WAC: variants seen among roughly 807,000 people sequenced by gnomAD.
WAC encodes the protein WW domain containing adaptor with coiled-coil.
WAC carries 11 observed loss-of-function variants against 79.6 expected under a neutral mutation model. The observed-to-expected ratio is 0.14, with a 90% CI of 0.09 to 0.23. The LOEUF (loss-of-function observed/expected upper bound fraction) is 0.23. Among genes scored for constraint, WAC ranks in the 10% least tolerant of loss-of-function variants. WAC has a pLI of 1.00. For missense variants in WAC, 728 were observed against 773.5 expected (o/e 0.94, Z 0.70); for synonymous variants, 304 against 276.9 (o/e 1.10, Z -0.97).
At chr10:28,601,633 A>G (rs1840654376) in intron 7 of WAC, among the ~76,000 whole-genome samples, 1 of 152,176 alleles carries the variant, frequency 6.6e-6, no homozygotes, top group South Asian at 2.1e-4. Flanking sequence ...ACAACAGACA[A>G]ACATTAGATA....
intron 3 of WAC, among the ~76,000 whole-genome samples, chr10:28,550,536 A>G (rs1426388059): frequency 3.3e-5 from 5 of 152,048 alleles, no homozygotes; most frequent in African/African-American, 1.2e-4. Context: ...AGCGATTTGT[A>G]TGTGTGTGTG....
chr10:28,603,130 C>T (rs1046155629), intron 7 of WAC, among the ~76,000 whole-genome samples: 2 of 152,152 alleles, frequency 1.3e-5, no homozygotes, highest in African/African-American at 4.8e-5. Context: ...TTTTGAAAGA[C>T]CATTTAAAGT....
chr10:28,543,379 C>A (rs1837168830), intron 3 of WAC, among the ~76,000 whole-genome samples: 1 of 152,180 alleles, frequency 6.6e-6, no homozygotes, highest in African/African-American at 2.4e-5. Flanking sequence ...ACCTTAAAAA[C>A]TATAATGACA....
intron 3 of WAC, among the ~76,000 whole-genome samples, chr10:28,558,983 A>G (rs942389391): frequency 2.0e-5 from 3 of 152,208 alleles, no homozygotes; most frequent in African/African-American, 7.2e-5. Context: ...AATATAACAA[A>G]TAGAATGTGT....
chr10:28,590,989 G>A (rs1840052412), intron 6 of WAC, 157 bp downstream of exon 6: 1 of 676,384 alleles, frequency 1.5e-6, no homozygotes, highest in East Asian at 2.9e-5. Flanking sequence ...CACCATTTTG[G>A]TCCCTGAAAA....
intron 3 of WAC, among the ~76,000 whole-genome samples, chr10:28,580,487 T>A (rs549172034): frequency 4.6e-5 from 7 of 152,212 alleles, no homozygotes; most frequent in South Asian, 2.1e-4. Context: ...TTCATAGATT[T>A]AAGCATAGAA....
chr10:28,584,877 G>A (rs1171334970), intron 4 of WAC, among the ~76,000 whole-genome samples: 3 of 152,002 alleles, frequency 2.0e-5, no homozygotes, highest in African/African-American at 7.3e-5. Flanking sequence ...GATCACTTGA[G>A]GCCAAGATGG....
intron 10 of WAC, among the ~76,000 whole-genome samples, chr10:28,614,094 A>G (rs1323859395): frequency 6.6e-6 from 1 of 152,222 alleles, no homozygotes; most frequent in Non-Finnish European, 1.5e-5. Context: ...ACTGAGCTGT[A>G]AAGGAGAACT....
chr10:28,615,890 A>G (rs1841445858), intron 11 of WAC: 1 of 284,096 alleles, frequency 3.5e-6, no homozygotes, highest in Admixed American at 4.6e-5. Context: ...TTATATTATT[A>G]GTGTTTGTGG....
chr10:28,533,793 G>A (rs1836430072), intron 1 of WAC, 173 bp downstream of exon 1: 1 of 988,022 alleles, frequency 1.0e-6, no homozygotes. Context: ...CAGTGTGGCG[G>A]GGAGCGGGGG....
chr10:28,570,990 T>A (rs1838928883), intron 3 of WAC, among the ~76,000 whole-genome samples: 1 of 138,122 alleles, frequency 7.2e-6, no homozygotes. Context: ...GGAGTCTCAC[T>A]CTGTCACCCA....
At chr10:28,553,653 G>T (rs1233728894) in intron 3 of WAC, among the ~76,000 whole-genome samples, 1 of 152,094 alleles carries the variant, frequency 6.6e-6, no homozygotes, top group Non-Finnish European at 1.5e-5. Flanking sequence ...TTTTAAGGTT[G>T]TTAAGGTATA....
intron 12 of WAC, among the ~76,000 whole-genome samples, chr10:28,616,967 C>G (rs1165412200): frequency 6.6e-6 from 1 of 152,154 alleles, no homozygotes; most frequent in Admixed American, 6.5e-5. Context: ...CCTGTAATTA[C>G]AGCTACTCGG....
chr10:28,592,142 C>G (rs1840124203), intron 6 of WAC, among the ~76,000 whole-genome samples: 1 of 152,078 alleles, frequency 6.6e-6, no homozygotes, highest in Non-Finnish European at 1.5e-5. Context: ...CTGAAGTTGG[C>G]ATATTAAAGA....
intron 3 of WAC, among the ~76,000 whole-genome samples, chr10:28,542,006 A>G (rs1274922027): frequency 1.3e-5 from 2 of 152,142 alleles, no homozygotes; most frequent in Non-Finnish European, 2.9e-5. Flanking sequence ...AGCAAATCTT[A>G]TAATAGATCC....
intron 6 of WAC, 136 bp downstream of exon 6, chr10:28,590,968 A>T: frequency 1.3e-6 from 1 of 769,200 alleles, no homozygotes; most frequent in Non-Finnish European, 2.1e-6. Context: ...TGTTGGATTT[A>T]TTATACCCTC....
chr10:28,538,602 G>GAATTCAGCCAGGCACAGCTGC (rs1836818092), intron 3 of WAC, among the ~76,000 whole-genome samples: 3 of 103,024 alleles, frequency 2.9e-5, no homozygotes, highest in Non-Finnish European at 6.3e-5. Flanking sequence ...AAAAAAAAAA[G>GAATTCAGCCAGGCACAGCTGC]AATTCAGCCA....
At position 28,595,841 on chromosome 10, in the gene WAC, A is replaced by G; in HGVS notation, c.719A>G (p.His240Arg). The G allele has an allele frequency of 6.2e-7, 1 of 1,614,182 alleles. No individual in the cohort carries two copies. Among genetic ancestry groups the G allele is most frequent in the East Asian group, 2.2e-5 (1 of 44,878 alleles). ...TACAGACTGCCAAGAGCAGAGACTCACAGTAGTTCTACGCCAGTACAGCAC... is the reference window on the plus strand; with the variant it reads ...TACAGACTGCCAAGAGCAGAGACTCGCAGTAGTTCTACGCCAGTACAGCAC... The part of the protein sequence containing the change: ...RDYRLPRAET[H>R]SSSTPVQHPI... Residue 240 changes from histidine (H) to arginine (R), a missense_variant, in exon 7 of 14, where the codon CAC becomes CGC. His to Arg is a conservative substitution (Grantham distance 29). Transcript: ENST00000354911.
At chr10:28,561,190 G>T (rs1838283104) in intron 3 of WAC, among the ~76,000 whole-genome samples, 2 of 152,162 alleles carry the variant, frequency 1.3e-5, no homozygotes, top group Non-Finnish European at 2.9e-5. Context: ...AAATATTTTA[G>T]CTTATGTTCT....
Sources: gnomAD v4.1 joint callset for allele counts (sites outside exome capture counted in the v4.1 genomes callset) on GRCh38, gnomAD v4.1.1 for gene constraint, MANE v1.5 for transcripts, NCBI Gene and HGNC (gene_info 2026-07-23, HGNC 2026-07-21) for gene names.